TMTC2: variants seen among roughly 807,000 people sequenced by gnomAD.
The protein encoded by TMTC2 is transmembrane O-mannosyltransferase targeting cadherins 2.
Under a neutral mutation model 82.4 loss-of-function variants are expected in TMTC2, and 43 were observed. The ratio of observed to expected loss-of-function variants is 0.52; its 90% CI spans 0.41 to 0.67. The LOEUF (loss-of-function observed/expected upper bound fraction) is 0.67. TMTC2 is among the 30% of genes least tolerant of loss of function. The pLI is 0.00. For missense variants in TMTC2, 919 were observed against 1,012.4 expected, an observed-to-expected ratio of 0.91 and a Z score of 1.25; for synonymous variants, 408 against 381.9, an observed-to-expected ratio of 1.07 and a Z score of -0.80.
chr12:82,795,927 A>G (rs2137029054), intron 1 of TMTC2, among the ~76,000 whole-genome samples: 1 of 152,296 alleles, frequency 6.6e-6, no homozygotes, highest in African/African-American at 2.4e-5. Context: ...GGAGAACATG[A>G]TTAAGTGATT....
chr12:82,951,728 A>G (rs1877357175), intron 4 of TMTC2, among the ~76,000 whole-genome samples: 1 of 152,212 alleles, frequency 6.6e-6, no homozygotes, highest in South Asian at 2.1e-4. Context: ...ATATGTATTC[A>G]ATTATGCCTT....
chr12:82,798,407 G>T (rs1878828601), intron 1 of TMTC2, among the ~76,000 whole-genome samples: 1 of 148,936 alleles, frequency 6.7e-6, no homozygotes, highest in Non-Finnish European at 1.5e-5. Context: ...TGAGGCAGGA[G>T]AATGGCGTGA....
chr12:82,746,751 C>T (rs1234139211), intron 1 of TMTC2, among the ~76,000 whole-genome samples: 1 of 152,122 alleles, frequency 6.6e-6, no homozygotes, highest in Non-Finnish European at 1.5e-5. Flanking sequence ...TTTTCTCTAG[C>T]AACGGCAGAA....
chr12:83,045,726 C>CACACACACACACACACACACACACACCA (rs747864661), intron 9 of TMTC2, among the ~76,000 whole-genome samples: 11 of 77,468 alleles, frequency 1.4e-4, no homozygotes, highest in African/African-American at 3.8e-4. Flanking sequence ...CACACACACA[C>CACACACACACACACACACACACACACCA]GCACACACAC....
rs55766422 is a variant in TMTC2, at chr12:82,800,360, G to A, written c.84-56650G>A. ...ATCTGGCTCGTTACCTTGCAGTGTG[G>A]CTCACCTCTGTCTGCTACAAGTCCT... On this transcript the variant is annotated intron_variant, in intron 1 of 11. Transcript: ENST00000321196. Among the ~76,000 whole-genome samples the A allele has an allele frequency of 8.2e-3, 1,246 of 152,224 alleles. 13 individuals carry two copies. Among genetic ancestry groups the A allele is most frequent in the Non-Finnish European group, 0.015 (992 of 68,000 alleles).
intron 1 of TMTC2, among the ~76,000 whole-genome samples, chr12:82,713,426 C>G (rs1873739273): frequency 6.6e-6 from 1 of 151,846 alleles, no homozygotes; most frequent in Non-Finnish European, 1.5e-5. Flanking sequence ...TAAAGATGTA[C>G]CAGAGACTGG....
chr12:82,867,643 G>A (rs765709841), intron 2 of TMTC2, among the ~76,000 whole-genome samples: 1 of 151,852 alleles, frequency 6.6e-6, no homozygotes, highest in Non-Finnish European at 1.5e-5. Flanking sequence ...GTGTATTTAA[G>A]AACTGAAAAA....
chr12:82,838,601 T>A (rs1870173304), intron 1 of TMTC2, among the ~76,000 whole-genome samples: 1 of 152,196 alleles, frequency 6.6e-6, no homozygotes, highest in South Asian at 2.1e-4. Context: ...CAACTGTTGA[T>A]CTTTATATGT....
intron 4 of TMTC2, among the ~76,000 whole-genome samples, chr12:82,944,352 A>G (rs1322334622): frequency 6.6e-6 from 1 of 152,138 alleles, no homozygotes; most frequent in Non-Finnish European, 1.5e-5. Flanking sequence ...TGGGAGGCCA[A>G]GGTGGGCGGA....
At chr12:83,095,879 C>A (rs1884012390) in intron 11 of TMTC2, among the ~76,000 whole-genome samples, 1 of 152,188 alleles carries the variant, frequency 6.6e-6, no homozygotes, top group African/African-American at 2.4e-5. Flanking sequence ...TTATCTTCAG[C>A]ATTAGAAATG....
intron 8 of TMTC2, chr12:82,986,675 A>T (rs1292996840): frequency 3.3e-5 from 5 of 152,602 alleles, no homozygotes; most frequent in Admixed American, 2.6e-4. Flanking sequence ...AAGAGAAGGG[A>T]GGCTATCTGA....
chr12:83,071,692 G>C (rs1565877718), intron 11 of TMTC2, among the ~76,000 whole-genome samples: 2 of 152,032 alleles, frequency 1.3e-5, no homozygotes, highest in Non-Finnish European at 2.9e-5. Context: ...GCTTGTTATT[G>C]GTCTGTTTAG....
intron 3 of TMTC2, among the ~76,000 whole-genome samples, chr12:82,900,715 A>G (rs1237887551): frequency 9.9e-6 from 1 of 100,660 alleles, no homozygotes; most frequent in Non-Finnish European, 1.9e-5. Flanking sequence ...TCTCTGGAAT[A>G]TATATATATA....
chr12:83,073,813 A>G (rs1883195078), intron 11 of TMTC2, among the ~76,000 whole-genome samples: 1 of 151,946 alleles, frequency 6.6e-6, no homozygotes, highest in Non-Finnish European at 1.5e-5. Flanking sequence ...TATGTCTATA[A>G]TTTCCTGAGT....
chr12:82,963,545 T>A (rs911619625), intron 4 of TMTC2, among the ~76,000 whole-genome samples: 4 of 151,438 alleles, frequency 2.6e-5, no homozygotes, highest in Admixed American at 2.6e-4. Flanking sequence ...TTAGCTAATA[T>A]GTATGAGTTT....
intron 4 of TMTC2, among the ~76,000 whole-genome samples, chr12:82,939,253 T>C (rs1240653097): frequency 6.6e-6 from 1 of 152,104 alleles, no homozygotes; most frequent in African/African-American, 2.4e-5. Flanking sequence ...TACTGAGTCG[T>C]AGGGTTGAAA....
chr12:82,931,680 T>C (rs1175110020), intron 4 of TMTC2, among the ~76,000 whole-genome samples: 1 of 152,194 alleles, frequency 6.6e-6, no homozygotes, highest in African/African-American at 2.4e-5. Flanking sequence ...CTCCATTTTG[T>C]GGCTCTGGTT....
Position 83,005,017 on chromosome 12 carries a change from A to G in TMTC2, c.2070+18971A>G, listed in dbSNP as rs144284689. On this transcript the variant is annotated intron_variant, in intron 8 of 11. Transcript: ENST00000321196. The stretch of plus-strand genomic sequence containing the variant: ...AAATACAAAAAACAGCCGAGTGGCC[A>G]ATATGGTGAAACACTGTCTCTACTA... 3.2e-3 allele frequency among the ~76,000 whole-genome samples: 450 copies of G among 139,480 alleles called. 2 individuals are homozygous for G. Among genetic ancestry groups the G allele is most frequent in the African/African-American group, 0.012 (436 of 36,456 alleles). 91.5% of individuals were successfully genotyped at this position (139,480 alleles called of 152,430 possible).
chr12:82,830,474 TTAG>T (rs1869688193), intron 1 of TMTC2, among the ~76,000 whole-genome samples: 1 of 152,164 alleles, frequency 6.6e-6, no homozygotes. Flanking sequence ...AGATACAATA[TTAG>T]TAGAACATCA....
Sources: gnomAD v4.1 joint callset for allele counts (sites outside exome capture counted in the v4.1 genomes callset) on GRCh38, gnomAD v4.1.1 for gene constraint, MANE v1.5 for transcripts, NCBI Gene and HGNC (gene_info 2026-07-23, HGNC 2026-07-21) for gene names.